The following ZNF138 variants were observed in gnomAD, a reference collection of about 807,000 sequenced individuals.
ZNF138 encodes the protein zinc finger protein 138.
Under a neutral mutation model 33.0 loss-of-function variants are expected in ZNF138, and 33 were observed. The ratio of observed to expected loss-of-function variants is 1.00; its 90% CI spans 0.76 to 1.34. The LOEUF (loss-of-function observed/expected upper bound fraction) is 1.34. Among genes scored for constraint, ZNF138 ranks in the 40% most tolerant of loss-of-function variants. ZNF138 has a pLI of 0.00. For synonymous variants in ZNF138, 139 were observed against 120.4 expected, an observed-to-expected ratio of 1.15 and a Z score of -1.01; for missense variants, 360 against 370.8, an observed-to-expected ratio of 0.97 and a Z score of 0.24.
the ZNF138 span, among the ~76,000 whole-genome samples, chr7:64,860,446 T>C: frequency 6.6e-6 from 1 of 152,196 alleles, no homozygotes; most frequent in Admixed American, 6.5e-5. Context: ...TTCCCCAGCC[T>C]CTGTTACGTT....
At chr7:64,834,166 C>G (rs1439738829), downstream of ZNF138, among the ~76,000 whole-genome samples, 2 of 151,938 alleles carry the variant, frequency 1.3e-5, 1 homozygote, top group South Asian at 4.1e-4. Context: ...GCTCAAACTT[C>G]GTTCAACATC....
intron 1 of ZNF138, among the ~76,000 whole-genome samples, chr7:64,805,923 A>G (rs1787557983): frequency 6.6e-6 from 1 of 152,196 alleles, no homozygotes; most frequent in African/African-American, 2.4e-5. Flanking sequence ...GGTGTTGTAA[A>G]TTCTACTTGT....
Position 64,832,297 on chromosome 7 carries a change from C to T in ZNF138, c.*95C>T, listed in dbSNP as rs1000226067. 2 of 1,584,214 alleles carry T rather than the reference C, an allele frequency of 1.3e-6. No homozygotes were observed. The highest frequency in any genetic ancestry group is 1.8e-5 in the Admixed American group (1 of 55,520). On this transcript the variant is annotated 3_prime_UTR_variant, in exon 4 of 4. Transcript: ENST00000307355. ...TTTAACCAGTTTTCAACCCTTATTA[C>T]ACATAAGATAATTCATAGCGGAGAG...
Position 64,813,916 on chromosome 7 carries a change from T to C in ZNF138, c.4-1002T>C, listed in dbSNP as rs974954525. 3.6e-5 allele frequency: 23 copies of C among 633,128 alleles called. No individual in the cohort carries two copies. The Admixed American group carries it at 1.3e-3, about 37-fold the overall frequency. 39.2% of individuals were successfully genotyped at this position (633,128 alleles called of 1,614,324 possible). ...CAGATTTCTTTACTATAGAGTTACTTATTTTTCTCTGCATTATTAAGTATC... is the reference window on the plus strand; with the variant it reads ...CAGATTTCTTTACTATAGAGTTACTCATTTTTCTCTGCATTATTAAGTATC... On this transcript the variant is annotated intron_variant, in intron 1 of 3. Transcript: ENST00000307355.
intron 3 of ZNF138, among the ~76,000 whole-genome samples, chr7:64,825,396 T>C (rs1455545409): frequency 1.3e-5 from 2 of 151,588 alleles, no homozygotes; most frequent in Non-Finnish European, 2.9e-5. Flanking sequence ...ATGGTCTGGA[T>C]TTCTGACCTC....
chr7:64,800,667 G>A (rs1460173507), intron 1 of ZNF138, among the ~76,000 whole-genome samples: 1 of 152,152 alleles, frequency 6.6e-6, no homozygotes, highest in Admixed American at 6.5e-5. Context: ...TCTGTGTCAG[G>A]TTTTGGTGTC....
intron 3 of ZNF138, among the ~76,000 whole-genome samples, chr7:64,820,876 T>A (rs1435224219): frequency 6.6e-6 from 1 of 151,610 alleles, no homozygotes; most frequent in Non-Finnish European, 1.5e-5. Flanking sequence ...TAATTTTATT[T>A]ATAATTACTT....
chr7:64,838,798 G>T, the ZNF138 span, among the ~76,000 whole-genome samples: 3 of 152,204 alleles, frequency 2.0e-5, no homozygotes, highest in East Asian at 3.9e-4. Context: ...AGGTGGGCAG[G>T]GTTAAAAGAA....
rs372495343 is a variant in ZNF138 at position 64,817,402 on chromosome 7, G to T, written c.208+1749G>T. On this transcript the variant is annotated intron_variant, in intron 3 of 3. Transcript: ENST00000307355. The stretch of plus-strand genomic sequence containing the variant: ...TTTCTTGGTATGTAGCCAAGAACGG[G>T]AATCTTGCAGTTTGCCACCTGAATG... Among the ~76,000 whole-genome samples the T allele has an allele frequency of 9.6e-5, 14 of 145,644 alleles. 1 individual carries two copies. In the East Asian group the frequency reaches 1.2e-3, roughly 13 times the overall value.
rs565312755 is a variant in ZNF138 at position 64,811,206 on chromosome 7, C to A, written c.4-3712C>A. Among the ~76,000 whole-genome samples, 39 of 152,280 alleles carry A rather than the reference C, an allele frequency of 2.6e-4. 2 individuals are homozygous for A. The South Asian group carries it at 6.2e-3, about 24-fold the overall frequency. ...TTTCTAAATCCAGGGAATTATTAAA[C>A]ACTTAATACCAGCTCCCAAGGTGCT... On this transcript the variant is annotated intron_variant, in intron 1 of 3. Transcript: ENST00000307355.
At position 64,832,384 on chromosome 7, in the gene ZNF138, A is replaced by T; in HGVS notation, c.*182A>T. The T allele has an allele frequency of 6.5e-7, 1 of 1,531,496 alleles. No homozygotes were observed. Among genetic ancestry groups the T allele is most frequent in the Non-Finnish European group, 8.7e-7 (1 of 1,145,266 alleles). 94.9% of individuals were successfully genotyped at this position (1,531,496 alleles called of 1,614,324 possible). ...AACCAGTCCGCAAAGCTCACTGAACATAAGTTAATTCATACTGGAGAAAAA... is the reference window on the plus strand; with the variant it reads ...AACCAGTCCGCAAAGCTCACTGAACTTAAGTTAATTCATACTGGAGAAAAA... On this transcript the variant is annotated 3_prime_UTR_variant, in exon 4 of 4. Transcript: ENST00000307355.
At chr7:64,833,836 T>A (rs958949788), downstream of ZNF138, among the ~76,000 whole-genome samples, 8 of 152,208 alleles carry the variant, frequency 5.3e-5, no homozygotes, top group African/African-American at 1.7e-4. Context: ...GCAATTCTCC[T>A]GCCTGGGCCT....
Position 64,832,563 on chromosome 7 carries a change from C to A in ZNF138, c.*361C>A. On this transcript the variant is annotated 3_prime_UTR_variant, in exon 4 of 4. Transcript: ENST00000307355. ...AACTCTTATTACACATAAGATAATT[C>A]ACAGTGGAGAAAAACCCTACAAATG... 2 of 581,302 alleles carry A rather than the reference C, an allele frequency of 3.4e-6. No homozygotes were observed. The highest frequency in any genetic ancestry group is 1.7e-5 in the South Asian group (1 of 59,486). 36.0% of individuals were successfully genotyped at this position (581,302 alleles called of 1,614,324 possible). A position where few individuals can be genotyped will look rare whatever the true frequency, so the allele number is the denominator to read the frequency against.
intron 1 of ZNF138, among the ~76,000 whole-genome samples, chr7:64,800,967 A>C (rs1457755002): frequency 2.6e-5 from 4 of 152,278 alleles, no homozygotes; most frequent in Non-Finnish European, 4.4e-5. Flanking sequence ...GTTTGTGTGC[A>C]TGGAAGTGTT....
At chr7:64,847,197 G>T in the ZNF138 span, among the ~76,000 whole-genome samples, 1 of 151,766 alleles carries the variant, frequency 6.6e-6, no homozygotes, top group African/African-American at 2.4e-5. Flanking sequence ...TGTAGGCTGG[G>T]CTTTGTGGCT....
At chr7:64,818,764 A>AG (rs1788881906) in intron 3 of ZNF138, among the ~76,000 whole-genome samples, 1 of 151,712 alleles carries the variant, frequency 6.6e-6, no homozygotes, top group Non-Finnish European at 1.5e-5. Flanking sequence ...AAAAAAAAAA[A>AG]GTGCTTATTG....
At chr7:64,820,589 A>T (rs1789048566) in intron 3 of ZNF138, among the ~76,000 whole-genome samples, 1 of 151,574 alleles carries the variant, frequency 6.6e-6, no homozygotes, top group Admixed American at 6.6e-5. Context: ...TTTGAGATGG[A>T]GACTGGTTCT....
chr7:64,847,332 A>ATATATT, the ZNF138 span, among the ~76,000 whole-genome samples: 2,131 of 128,020 alleles, frequency 0.017, 28 homozygotes, highest in Non-Finnish European at 0.023. Context: ...ATATATATAT[A>ATATATT]TTTTTTTTTT....
chr7:64,852,910 G>A, the ZNF138 span: 33 of 1,101,646 alleles, frequency 3.0e-5, no homozygotes, highest in South Asian at 2.5e-4. Flanking sequence ...CCTCAGCTGC[G>A]TCTTTAAAAC....
Sources: allele counts gnomAD v4.1 joint callset (sites outside exome capture counted in the v4.1 genomes callset), GRCh38; gene constraint gnomAD v4.1.1; transcripts MANE v1.5; gene names NCBI Gene and HGNC (gene_info 2026-07-23, HGNC 2026-07-21).